Variants in LRRFIP2 observed in about 807,000 individuals in gnomAD.
LRRFIP2 encodes LRR binding FLII interacting protein 2, also known as leucine-rich repeat flightless-interacting protein 2.
In LRRFIP2, 109 loss-of-function variants were observed where a neutral mutation model predicts 125.9. The observed-to-expected ratio is 0.87, with a 90% CI of 0.74 to 1.01. LRRFIP2 has a LOEUF of 1.01. LRRFIP2 is among the 50% of genes least tolerant of loss of function. The pLI, the probability that LRRFIP2 is intolerant of heterozygous loss-of-function variation, is 0.00. For missense variants in LRRFIP2, 850 were observed against 862.3 expected, an observed-to-expected ratio of 0.99 and a Z score of 0.18; for synonymous variants, 291 against 293.1, an observed-to-expected ratio of 0.99 and a Z score of 0.07.
chr3:37,166,159 G>A (rs1370640708), intron 1 of LRRFIP2, among the ~76,000 whole-genome samples: 7 of 151,880 alleles, frequency 4.6e-5, no homozygotes, highest in East Asian at 1.9e-4. Context: ...GTGAAAACCC[G>A]TCTCTACTAA....
At chr3:37,100,349 C>T (rs771425450) in intron 15 of LRRFIP2, among the ~76,000 whole-genome samples, 15 of 144,592 alleles carry the variant, frequency 1.0e-4, no homozygotes, top group Admixed American at 2.0e-4. Flanking sequence ...TGTATGTATG[C>T]GTATATATAT....
chr3:37,129,220 A>C (rs1044850155), intron 2 of LRRFIP2, 71 bp from the exon 3 acceptor site: 13 of 1,358,860 alleles, frequency 9.6e-6, no homozygotes, highest in Non-Finnish European at 1.4e-5. Flanking sequence ...ATTTGAAAAT[A>C]AAGAATGGGA....
intron 2 of LRRFIP2, among the ~76,000 whole-genome samples, chr3:37,136,903 C>T (rs1403803724): frequency 4.3e-5 from 6 of 138,260 alleles, no homozygotes; most frequent in African/African-American, 1.6e-4. Context: ...AATATATCTA[C>T]CATGGTTTGA....
intron 1 of LRRFIP2, among the ~76,000 whole-genome samples, chr3:37,172,476 T>TGGAAAGG (rs1002722176): frequency 6.6e-6 from 1 of 152,226 alleles, no homozygotes; most frequent in African/African-American, 2.4e-5. Flanking sequence ...ATTGGGGGGT[T>TGGAAAGG]GGGGTAAGGA....
intron 1 of LRRFIP2, among the ~76,000 whole-genome samples, chr3:37,162,189 G>C (rs1223261117): frequency 6.8e-6 from 1 of 148,100 alleles, no homozygotes; most frequent in African/African-American, 2.5e-5. Flanking sequence ...AAGAGAGAGA[G>C]AGAGAAAACA....
At chr3:37,097,233 T>C (rs950050049) in intron 15 of LRRFIP2, among the ~76,000 whole-genome samples, 7 of 150,186 alleles carry the variant, frequency 4.7e-5, no homozygotes, top group Non-Finnish European at 1.5e-5. Context: ...CAAAAGAGTA[T>C]GAGTAGGGCT....
Position 37,096,623 on chromosome 3 carries a change from T to TAC in LRRFIP2, c.910_911insGT (p.Tyr304CysfsTer17). The TAC allele has an allele frequency of 6.4e-7, 1 of 1,563,336 alleles. No homozygotes were observed. Among genetic ancestry groups the TAC allele is most frequent in the East Asian group, 2.3e-5 (1 of 43,508 alleles). On this transcript the variant is annotated frameshift_variant, in exon 16 of 28. Coordinates refer to ENST00000336686, the MANE Select transcript of LRRFIP2 (RefSeq NM_006309.4). LOFTEE classifies it high-confidence loss of function. ...AGGAATTTACATACTCACTCTTGTA[T>TAC]AATTTTCAGCATACTGTTTGTCAGA...
chr3:37,147,471 T>G (rs2095886639), intron 2 of LRRFIP2, among the ~76,000 whole-genome samples: 1 of 152,208 alleles, frequency 6.6e-6, no homozygotes, highest in Non-Finnish European at 1.5e-5. Context: ...ATTTTTAATG[T>G]ATTTTTGTTA....
At chr3:37,131,445 C>A (rs1256249361) in intron 2 of LRRFIP2, among the ~76,000 whole-genome samples, 1 of 151,716 alleles carries the variant, frequency 6.6e-6, no homozygotes, top group African/African-American at 2.4e-5. Context: ...TAAAAAAAAA[C>A]AAATGAATTG....
At chr3:37,099,384 CT>C (rs951361293) in intron 15 of LRRFIP2, among the ~76,000 whole-genome samples, 19 of 152,086 alleles carry the variant, frequency 1.2e-4, no homozygotes, top group African/African-American at 4.1e-4. Context: ...CAGAAAAAAG[CT>C]TTTTAAACAG....
At chr3:37,075,355 T>C (rs952951031) in intron 19 of LRRFIP2, among the ~76,000 whole-genome samples, 1 of 152,132 alleles carries the variant, frequency 6.6e-6, no homozygotes, top group African/African-American at 2.4e-5. Flanking sequence ...AAACAAAAGA[T>C]AATTTAGTAA....
rs757753337 is a variant in LRRFIP2 at position 37,072,849 on chromosome 3, T to G, written c.1405A>C (p.Met469Leu). The G allele has an allele frequency of 1.9e-6, 3 of 1,613,144 alleles. No individual in the cohort carries two copies. The South Asian group carries it at 3.3e-5, about 18-fold the overall frequency. The change falls in exon 21 of 28, where the codon ATG becomes CTG. Residue 469 changes from methionine to leucine, a missense_variant. Met to Leu is a conservative substitution (Grantham distance 15, BLOSUM62 2). Coordinates refer to ENST00000336686, the MANE Select transcript of LRRFIP2 (RefSeq NM_006309.4). ...KQRMQQKIDT[M>L]TKEVFDLQET... Reference sequence around the variant, plus strand: ...TGGAGGTCAAACACCTCTTTTGTCATGGTGTCTATTTTCTGCTGCATGCGC... The same window carrying G: ...TGGAGGTCAAACACCTCTTTTGTCAGGGTGTCTATTTTCTGCTGCATGCGC...
chr3:37,174,959 A>C (rs532423373), upstream of LRRFIP2: 67 of 152,346 alleles, frequency 4.4e-4, no homozygotes, highest in African/African-American at 1.6e-3. Flanking sequence ...GCATCTGTTA[A>C]ACAGAGCATG....
At chr3:37,168,441 T>C (rs898399403) in intron 1 of LRRFIP2, among the ~76,000 whole-genome samples, 7 of 152,164 alleles carry the variant, frequency 4.6e-5, no homozygotes, top group Non-Finnish European at 2.9e-5. Context: ...AAATATTACA[T>C]AATTCCATTT....
chr3:37,112,056 A>T (rs1001507592), intron 8 of LRRFIP2: 19 of 152,204 alleles, frequency 1.2e-4, no homozygotes, highest in African/African-American at 4.1e-4. Context: ...GGCATTCTGG[A>T]GACATTATTT....
chr3:37,136,110 G>T (rs972897298), intron 2 of LRRFIP2, among the ~76,000 whole-genome samples: 7 of 152,206 alleles, frequency 4.6e-5, no homozygotes, highest in African/African-American at 1.7e-4. Flanking sequence ...GCCTTAAAAA[G>T]AAATCGAACA....
chr3:37,149,206 C>T (rs28565238), intron 1 of LRRFIP2, among the ~76,000 whole-genome samples, 168 bp from the exon 2 acceptor site: 4,984 of 152,202 alleles, frequency 0.033, 229 homozygotes, highest in African/African-American at 0.1. Flanking sequence ...TACTAAAACT[C>T]CTACTTCTTT....
intron 6 of LRRFIP2, among the ~76,000 whole-genome samples, chr3:37,118,814 T>C: frequency 6.6e-6 from 1 of 152,246 alleles, no homozygotes; most frequent in Admixed American, 6.5e-5. Flanking sequence ...GACCTCTTAG[T>C]ACACGGCCTT....
intron 23 of LRRFIP2, 83 bp from the exon 24 acceptor site, chr3:37,063,874 A>G: frequency 1.1e-6 from 1 of 905,826 alleles, no homozygotes; most frequent in Non-Finnish European, 1.8e-6. Context: ...ACTCATAAAC[A>G]GCTAATATTA....
Sources: gnomAD v4.1 joint callset for allele counts (sites outside exome capture counted in the v4.1 genomes callset) on GRCh38, gnomAD v4.1.1 for gene constraint, MANE v1.5 for transcripts, NCBI Gene and HGNC (gene_info 2026-07-23, HGNC 2026-07-21) for gene names.